The following NT5C2 variants were observed in gnomAD, a reference collection of about 807,000 sequenced individuals.
The protein encoded by NT5C2 is cytosolic purine 5'-nucleotidase.
Under a neutral mutation model 76.1 loss-of-function variants are expected in NT5C2, and 58 were observed. The ratio of observed to expected loss-of-function variants is 0.76; its 90% CI spans 0.62 to 0.95. The LOEUF is 0.95. Ranked by LOEUF, NT5C2 falls within the 40% of genes least tolerant of loss-of-function variation. NT5C2 has a pLI of 0.00. For synonymous variants in NT5C2, 229 were observed against 237.4 expected (o/e 0.96, Z 0.32); for missense variants, 478 against 690.3 (o/e 0.69, Z 3.45).
intron 4 of NT5C2, among the ~76,000 whole-genome samples, chr10:103,129,968 C>T (rs1263511692): frequency 3.4e-5 from 5 of 147,986 alleles, no homozygotes; most frequent in East Asian, 2.1e-4. Flanking sequence ...CCGCCCTGTC[C>T]GGGAGGTGAG....
Position 103,178,215 on chromosome 10 carries a change from G to A in NT5C2, c.-25+2970C>T, listed in dbSNP as rs189084985. Among the ~76,000 whole-genome samples, 332 of 152,248 alleles carry A rather than the reference G, an allele frequency of 2.2e-3. 2 individuals are homozygous for A. The highest frequency in any genetic ancestry group is 7.7e-3 in the African/African-American group (321 of 41,538). Reference sequence around the variant, plus strand: ...ACGTCTCATCATATACAAAATTTAAGATGGATCATAGACCTAAACGTAATA... The same window carrying A: ...ACGTCTCATCATATACAAAATTTAAAATGGATCATAGACCTAAACGTAATA... On this transcript the variant is annotated intron_variant, in intron 2 of 18. Transcript: ENST00000404739.
At chr10:103,147,186 C>T (rs1054127973) in intron 3 of NT5C2, among the ~76,000 whole-genome samples, 1 of 152,196 alleles carries the variant, frequency 6.6e-6, no homozygotes, top group East Asian at 1.9e-4. Context: ...AATCATATCA[C>T]TCTCTTAAGA....
chr10:103,146,892 G>C (rs1016139525), intron 3 of NT5C2, among the ~76,000 whole-genome samples: 1 of 152,138 alleles, frequency 6.6e-6, no homozygotes, highest in African/African-American at 2.4e-5. Context: ...TCAAAGCATG[G>C]TCCACAGGCC....
At position 103,118,798 on chromosome 10, in the gene NT5C2, TTTTG is replaced by T. The variant is rs147136025; in HGVS notation, c.176-12096_176-12093del. On this transcript the variant is annotated intron_variant, in intron 4 of 18. Transcript: ENST00000404739. The stretch of plus-strand genomic sequence containing the variant: ...TAATTTTATTAACCACAATTATCTT[TTTTG>T]TTTGTTTGTTTTTTAAGGGATCATC... Among the ~76,000 whole-genome samples the T allele has an allele frequency of 6.1e-3, 924 of 152,258 alleles. 1 individual carries two copies. Among genetic ancestry groups the T allele is most frequent in the Middle Eastern group, 0.02 (6 of 294 alleles).
chr10:103,153,184 T>C, intron 3 of NT5C2: 1 of 679,934 alleles, frequency 1.5e-6, no homozygotes, highest in Admixed American at 4.2e-5. Flanking sequence ...TCTCTGCCTC[T>C]ACCTCCACTC....
At chr10:103,150,100 C>G (rs187446784) in intron 3 of NT5C2, among the ~76,000 whole-genome samples, 1 of 152,256 alleles carries the variant, frequency 6.6e-6, no homozygotes, top group East Asian at 1.9e-4. Context: ...ACATTCACCC[C>G]CCTTAAATGA....
At chr10:103,129,802 G>A (rs2077680491) in intron 4 of NT5C2, among the ~76,000 whole-genome samples, 1 of 114,972 alleles carries the variant, frequency 8.7e-6, no homozygotes, top group Admixed American at 7.9e-5. Context: ...GGAGGTGAGG[G>A]GCGCCTCTGC....
At chr10:103,154,711 G>C (rs1298722218) in intron 3 of NT5C2, among the ~76,000 whole-genome samples, 2 of 152,122 alleles carry the variant, frequency 1.3e-5, no homozygotes, top group African/African-American at 4.8e-5. Flanking sequence ...GGATTATCAG[G>C]CATTGCCTCA....
chr10:103,093,772 A>G, intron 14 of NT5C2, 200 bp downstream of exon 14: 3 of 517,242 alleles, frequency 5.8e-6, no homozygotes, highest in Non-Finnish European at 1.0e-5. Context: ...ATTTTAGTGA[A>G]AATCAGATTC....
chr10:103,134,544 G>A (rs891990634), intron 4 of NT5C2, among the ~76,000 whole-genome samples: 3 of 152,242 alleles, frequency 2.0e-5, no homozygotes, highest in Admixed American at 1.3e-4. Context: ...TGTCCAGGCA[G>A]AAGTTTGCTG....
chr10:103,180,543 G>T (rs2090869137), intron 2 of NT5C2, among the ~76,000 whole-genome samples: 1 of 152,094 alleles, frequency 6.6e-6, no homozygotes, highest in African/African-American at 2.4e-5. Context: ...AGCAGCCTGG[G>T]CAACATGGCA....
intron 4 of NT5C2, among the ~76,000 whole-genome samples, chr10:103,131,906 A>T (rs2078241125): frequency 2.0e-5 from 3 of 149,354 alleles, no homozygotes; most frequent in African/African-American, 7.4e-5. Context: ...TGGGCAACAG[A>T]GTGAGACACT....
intron 4 of NT5C2, among the ~76,000 whole-genome samples, chr10:103,124,660 T>C (rs1447815961): frequency 1.3e-5 from 2 of 151,770 alleles, no homozygotes; most frequent in Non-Finnish European, 2.9e-5. Context: ...CCCCCCACCT[T>C]TTAAAAAAAT....
intron 15 of NT5C2, 107 bp downstream of exon 15, chr10:103,093,027 CCTTTT>C: frequency 1.2e-6 from 1 of 804,006 alleles, no homozygotes; most frequent in Non-Finnish European, 1.8e-6. Context: ...TCAAGGCCTG[CCTTTT>C]GACCACCTCT....
At chr10:103,142,746 A>T (rs1011317351) in intron 3 of NT5C2, among the ~76,000 whole-genome samples, 2 of 152,156 alleles carry the variant, frequency 1.3e-5, no homozygotes, top group Non-Finnish European at 2.9e-5. Context: ...ACACTTTGGG[A>T]GGCTGAGGCG....
chr10:103,154,691 A>AAAAGC (rs2083018521), intron 3 of NT5C2, among the ~76,000 whole-genome samples: 1 of 152,212 alleles, frequency 6.6e-6, no homozygotes, highest in Non-Finnish European at 1.5e-5. Context: ...GGGGAACAGG[A>AAAAGC]AAAGCAACTG....
At chr10:103,173,712 G>A (rs2088955896) in intron 3 of NT5C2, among the ~76,000 whole-genome samples, 1 of 151,248 alleles carries the variant, frequency 6.6e-6, no homozygotes, top group Non-Finnish European at 1.5e-5. Flanking sequence ...GGATCACGAG[G>A]TCTGGAGTTC....
intron 3 of NT5C2, among the ~76,000 whole-genome samples, chr10:103,142,455 G>GTAA (rs1435525307): frequency 6.6e-6 from 1 of 151,964 alleles, no homozygotes; most frequent in Non-Finnish European, 1.5e-5. Context: ...CAGATCGCTT[G>GTAA]AGCACAGGAG....
Position 103,089,444 on chromosome 10 carries a change from T to C in NT5C2, c.*228A>G, listed in dbSNP as rs142146777. The stretch of plus-strand genomic sequence containing the variant: ...GCAGTTCAGCCTGATTTTACCCTTA[T>C]TTTCTTCTAATACAGACTCCATTAC... On this transcript the variant is annotated 3_prime_UTR_variant, in exon 19 of 19. Transcript: ENST00000404739. The C allele has an allele frequency of 3.4e-6, 2 of 591,414 alleles. No individual in the cohort carries two copies. The highest frequency in any genetic ancestry group is 7.0e-5 in the East Asian group (2 of 28,480). 36.6% of individuals were successfully genotyped at this position (591,414 alleles called of 1,614,324 possible). A position where few individuals can be genotyped will look rare whatever the true frequency, so the allele number is the denominator to read the frequency against.
Sources: allele counts gnomAD v4.1 joint callset (sites outside exome capture counted in the v4.1 genomes callset), GRCh38; gene constraint gnomAD v4.1.1; transcripts MANE v1.5; gene names NCBI Gene and HGNC (gene_info 2026-07-23, HGNC 2026-07-21).